The following HRH1 variants were observed in gnomAD, a reference collection of about 807,000 sequenced individuals.
The protein encoded by HRH1 is histamine H1 receptor.
In HRH1, 6 loss-of-function variants were observed where a neutral mutation model predicts 10.3. That is an observed-to-expected ratio of 0.58 (90% CI 0.32 to 1.15). The LOEUF (loss-of-function observed/expected upper bound fraction) is 1.15, where lower values mean the gene tolerates loss of function less well. HRH1 is among the 50% of genes most tolerant of loss of function. The probability of loss-of-function intolerance (pLI) is 0.05; values close to 1 mark genes in which losing one functional copy is unlikely to be tolerated. For synonymous variants in HRH1, 242 were observed against 236.7 expected (o/e 1.02, Z -0.21); for missense variants, 514 against 615.3 (o/e 0.84, Z 1.74).
chr3:11,249,573 A>C (rs1311420953), intron 1 of HRH1, among the ~76,000 whole-genome samples: 1 of 152,120 alleles, frequency 6.6e-6, no homozygotes, highest in Non-Finnish European at 1.5e-5. Flanking sequence ...GGAAGCTGGG[A>C]TAGTAATGGA....
chr3:11,150,464 A>G (rs1936579772), upstream of HRH1, among the ~76,000 whole-genome samples: 1 of 152,248 alleles, frequency 6.6e-6, no homozygotes, highest in Admixed American at 6.5e-5. Flanking sequence ...CCATGATGCG[A>G]TGGGTGGGGA....
chr3:11,159,933 T>C (rs1348640035), intron 1 of HRH1, among the ~76,000 whole-genome samples: 1 of 152,266 alleles, frequency 6.6e-6, no homozygotes, highest in Non-Finnish European at 1.5e-5. Flanking sequence ...CGAACCTGTC[T>C]GTCCTGAGTA....
rs75700235 is a variant in HRH1, at chr3:11,148,982, T to C, written c.-36+11583T>C. ...GATGCTTGTCCTCTTCATCCTCATA[T>C]CCCAAAGGCTAGCACAAGTTGTAGA... On this transcript the variant is annotated intron_variant, in intron 1 of 1. Coordinates refer to the HRH1 transcript ENST00000438284. Among the ~76,000 whole-genome samples the C allele has an allele frequency of 5.4e-3, 819 of 152,270 alleles. 7 individuals are homozygous for C. Among genetic ancestry groups the C allele is most frequent in the Non-Finnish European group, 8.0e-3 (543 of 68,026 alleles).
intron 1 of HRH1, among the ~76,000 whole-genome samples, chr3:11,238,102 T>A (rs1174513248): frequency 6.6e-6 from 1 of 152,154 alleles, no homozygotes; most frequent in Non-Finnish European, 1.5e-5. Flanking sequence ...AGTTTCCCTT[T>A]CCTGCACTTA....
intron 1 of HRH1, among the ~76,000 whole-genome samples, chr3:11,164,173 T>C (rs1936984169): frequency 6.6e-6 from 1 of 152,046 alleles, no homozygotes; most frequent in African/African-American, 2.4e-5. Flanking sequence ...AGCCAAGGCA[T>C]AGAGGTAGAA....
chr3:11,214,927 C>A (rs1018370199), intron 1 of HRH1, among the ~76,000 whole-genome samples: 25 of 152,138 alleles, frequency 1.6e-4, no homozygotes, highest in African/African-American at 6.0e-4. Context: ...AGGACAAATG[C>A]CACATATTTG....
At chr3:11,188,764 A>T (rs1937493923) in intron 1 of HRH1, among the ~76,000 whole-genome samples, 1 of 152,182 alleles carries the variant, frequency 6.6e-6, no homozygotes, top group African/African-American at 2.4e-5. Context: ...ACACAGAAAA[A>T]AGCTCACAAT....
In HRH1 at chr3:11,259,004, G is replaced by A. The variant is rs202197666; in HGVS notation, c.-34G>A. 12 of 1,549,894 alleles carry A rather than the reference G, an allele frequency of 7.7e-6. No homozygotes were observed. The highest frequency in any genetic ancestry group is 1.2e-5 in the South Asian group (1 of 80,386). On this transcript the variant is annotated splice_region_variant and 5_prime_UTR_variant, in exon 2 of 2. Coordinates refer to ENST00000431010, the MANE Select transcript of HRH1 (RefSeq NM_001098212.2). This position sits in a 1 kb window ranked among gnomAD's most constrained non-coding sequence, Gnocchi z 4.6. ...TACTTTTTCTCTCTTTTCTCCCAGG[G>A]AGTGAGCCATAACTGGTGGCTGCTC...
At chr3:11,228,749 T>TA (rs1470995429) in intron 1 of HRH1, among the ~76,000 whole-genome samples, 1 of 151,570 alleles carries the variant, frequency 6.6e-6, no homozygotes, top group Non-Finnish European at 1.5e-5. Context: ...CCATCTCTAT[T>TA]AAAAAAATAC....
intron 1 of HRH1, among the ~76,000 whole-genome samples, chr3:11,224,678 C>T (rs536959550): frequency 1.4e-5 from 2 of 145,216 alleles, no homozygotes; most frequent in South Asian, 2.2e-4. Flanking sequence ...CCAGCCTGGG[C>T]GACTGAGCGA....
intron 1 of HRH1, among the ~76,000 whole-genome samples, chr3:11,255,604 G>A (rs962489559): frequency 1.3e-5 from 2 of 152,174 alleles, no homozygotes; most frequent in Admixed American, 1.3e-4. Context: ...AGTGGTCAGA[G>A]CACAGTTTGG....
At chr3:11,167,748 C>T (rs540100164) in intron 1 of HRH1, among the ~76,000 whole-genome samples, 48 of 152,358 alleles carry the variant, frequency 3.2e-4, no homozygotes, top group South Asian at 2.1e-4. Context: ...TGTAAATAGC[C>T]TGTGAATGAT....
At chr3:11,190,812 G>A (rs985371464) in intron 1 of HRH1, among the ~76,000 whole-genome samples, 18 of 152,156 alleles carry the variant, frequency 1.2e-4, no homozygotes, top group African/African-American at 4.3e-4. Context: ...CTCACGTTGA[G>A]CAGCCAGTCG....
At chr3:11,205,795 G>T (rs747332669) in intron 1 of HRH1, among the ~76,000 whole-genome samples, 43 of 151,976 alleles carry the variant, frequency 2.8e-4, no homozygotes, top group Non-Finnish European at 5.7e-4. Context: ...TTGAGTAGCT[G>T]GGACTACAGG....
At chr3:11,256,334 G>C (rs1313222686) in intron 1 of HRH1, among the ~76,000 whole-genome samples, 1 of 152,276 alleles carries the variant, frequency 6.6e-6, no homozygotes, top group East Asian at 1.9e-4. Context: ...CTACCCATTT[G>C]ACACATGAGA....
At chr3:11,150,633 G>T (rs949335064), upstream of HRH1, among the ~76,000 whole-genome samples, 2 of 152,244 alleles carry the variant, frequency 1.3e-5, no homozygotes, top group Non-Finnish European at 1.5e-5. Context: ...GTTAGTGGAG[G>T]ATTTAAAGTT....
At chr3:11,153,752 G>A (rs1181914176), upstream of HRH1, among the ~76,000 whole-genome samples, 2 of 151,336 alleles carry the variant, frequency 1.3e-5, no homozygotes, top group Non-Finnish European at 2.9e-5. Context: ...CTGCAGAGGG[G>A]CCTCACCCCC....
At chr3:11,234,357 C>G in intron 1 of HRH1, 1 of 1,597,006 alleles carries the variant, frequency 6.3e-7, no homozygotes. Flanking sequence ...TCATCCTCAT[C>G]CTCTTGGGGA....
At chr3:11,143,999 G>A (rs547108008) in intron 1 of HRH1, among the ~76,000 whole-genome samples, 29 of 152,206 alleles carry the variant, frequency 1.9e-4, no homozygotes, top group Admixed American at 1.1e-3. Flanking sequence ...ACTATAATGA[G>A]ATGTCATCTT....
Sources: gnomAD v4.1 joint callset for allele counts (sites outside exome capture counted in the v4.1 genomes callset) on GRCh38, gnomAD v4.1.1 for gene constraint, Gnocchi (gnomAD v3.1) non-coding constraint, MANE v1.5 for transcripts, NCBI Gene and HGNC (gene_info 2026-07-23, HGNC 2026-07-21) for gene names.